The following DUOX1 variants were observed in gnomAD, a reference collection of about 807,000 sequenced individuals.
DUOX1 encodes the protein dual oxidase 1.
DUOX1 carries 134 observed loss-of-function variants against 181.8 expected under a neutral mutation model. The observed-to-expected ratio is 0.74, with a 90% confidence interval of 0.64 to 0.85. The LOEUF (loss-of-function observed/expected upper bound fraction) is 0.85, where lower values mean the gene tolerates loss of function less well. Among genes scored for constraint, DUOX1 ranks in the 40% least tolerant of loss-of-function variants. The pLI is 0.00. For synonymous variants in DUOX1, 798 were observed against 832.5 expected (o/e 0.96, Z 0.71); for missense variants, 1,814 against 2,064.4 (o/e 0.88, Z 2.35).
chr15:45,158,950 C>T (rs140255676), intron 28 of DUOX1, among the ~76,000 whole-genome samples: 1 of 152,288 alleles, frequency 6.6e-6, no homozygotes, highest in East Asian at 1.9e-4. Context: ...AAGGGAGTTT[C>T]ACTTGGGCTA....
Position 45,157,648 on chromosome 15 carries a change from G to A in DUOX1, c.3702+1719G>A, listed in dbSNP as rs183720434. ...AGCCTGGTCAACATGGCGAAACCTC[G>A]TCTCTACTAAAAATACAAAAATTAG... is the stretch of plus-strand genomic sequence containing the variant. On this transcript the variant is annotated intron_variant, in intron 28 of 33. Transcript: ENST00000389037. Among the ~76,000 whole-genome samples the A allele has an allele frequency of 8.6e-4, 130 of 152,018 alleles. 2 individuals carry two copies. Among genetic ancestry groups the A allele is most frequent in the African/African-American group, 2.7e-3 (112 of 41,462 alleles).
In DUOX1 at chr15:45,163,716, C is replaced by T. The variant is rs201127023; in HGVS notation, c.4404+29C>T. 402 of 1,613,846 alleles carry T rather than the reference C, an allele frequency of 2.5e-4. 1 individual carries two copies. The highest frequency in any genetic ancestry group is 1.8e-4 in the Non-Finnish European group (214 of 1,179,790). On this transcript the variant is annotated intron_variant, in intron 32 of 33. Coordinates refer to ENST00000389037, the MANE Select transcript of DUOX1 (RefSeq NM_175940.3). ...TGTCAGGGCCCACCAGGAGGGTATGCGGGCCACTGTCTGAGCTAGGAATTG... is the reference window on the plus strand; with the variant it reads ...TGTCAGGGCCCACCAGGAGGGTATGTGGGCCACTGTCTGAGCTAGGAATTG...
intron 28 of DUOX1, among the ~76,000 whole-genome samples, chr15:45,157,184 T>G (rs979250152): frequency 3.9e-5 from 6 of 152,228 alleles, no homozygotes; most frequent in African/African-American, 1.4e-4. Flanking sequence ...ATTTCACAGT[T>G]CTGAAGATGA....
intron 9 of DUOX1, 130 bp downstream of exon 9, chr15:45,136,755 G>A (rs983571609): frequency 3.7e-6 from 3 of 800,872 alleles, no homozygotes; most frequent in Non-Finnish European, 4.0e-6. Flanking sequence ...CCGATAGAGA[G>A]GGGAAGAAAA....
intron 28 of DUOX1, among the ~76,000 whole-genome samples, chr15:45,159,517 G>A (rs1385466243): frequency 2.6e-5 from 4 of 152,198 alleles, no homozygotes; most frequent in Non-Finnish European, 5.9e-5. Flanking sequence ...CAGTGGGAAG[G>A]TCCTAAGGAG....
chr15:45,148,553 C>G, intron 21 of DUOX1, 106 bp downstream of exon 21: 1 of 1,301,874 alleles, frequency 7.7e-7, no homozygotes, highest in Admixed American at 2.9e-5. Context: ...CCATTAAAAT[C>G]AGAAGAAAAA....
Position 45,152,458 on chromosome 15 carries a change from C to CT in DUOX1, c.3368dup (p.Asp1124ArgfsTer50), listed in dbSNP as rs1896841407. 6.2e-7 allele frequency: 1 copy of CT among 1,614,224 alleles called. No homozygotes were observed. Among genetic ancestry groups the CT allele is most frequent in the East Asian group, 2.2e-5 (1 of 44,878 alleles). On this transcript the variant is annotated frameshift_variant, in exon 25 of 34. Coordinates refer to ENST00000389037, the MANE Select transcript of DUOX1 (RefSeq NM_175940.3). LOFTEE classifies it high-confidence loss of function. Reference sequence around the variant, plus strand: ...AAACCTTCCTCAACCGCTACGTGCCCTTCGACGCCGCCGTGGACTTCCATC... The same window carrying CT: ...AAACCTTCCTCAACCGCTACGTGCCCTTTCGACGCCGCCGTGGACTTCCATC...
chr15:45,141,025 G>A lies in DUOX1; in HGVS notation c.1520G>A (p.Arg507Gln), dbSNP rs371808337. The change falls in exon 13 of 34, where the codon CGG becomes CAG. Residue 507 changes from arginine (R) to glutamine (Q), a missense_variant. Physicochemically the swap from Arg to Gln is conservative, Grantham distance 43. Coordinates refer to ENST00000389037, the MANE Select transcript of DUOX1 (RefSeq NM_175940.3). ...FSTIVLEQFV[R>Q]LRDGDRYWFE... Reference sequence around the variant, plus strand: ...ACCATCGTCCTTGAACAATTTGTGCGGCTACGGGATGGTGACCGCTACTGG... The same window carrying A: ...ACCATCGTCCTTGAACAATTTGTGCAGCTACGGGATGGTGACCGCTACTGG... The A allele has an allele frequency of 1.7e-5, 27 of 1,614,052 alleles. No homozygotes were observed. The highest frequency in any genetic ancestry group is 1.6e-4 in the Middle Eastern group (1 of 6,084).
chr15:45,154,087 TCAC>T, intron 27 of DUOX1, 87 bp downstream of exon 27: 3 of 1,240,562 alleles, frequency 2.4e-6, no homozygotes, highest in Non-Finnish European at 3.6e-6. Flanking sequence ...CAACCCACGT[TCAC>T]TCACTCAGCT....
rs756122319 is a variant in DUOX1 at position 45,143,194 on chromosome 15, C to T, written c.1827C>T (p.Ser609=). 6.2e-7 allele frequency: 1 copy of T among 1,613,774 alleles called. No homozygotes were observed. Among genetic ancestry groups the T allele is most frequent in the African/African-American group, 1.3e-5 (1 of 74,916 alleles). ...IGTLCCFPLV[S]LLSAWIVARL... ...CCTCTGCCTCTGCCCTCCCAGTGAG[C>T]CTGCTCAGTGCCTGGATTGTTGCCC... The change falls in exon 16 of 34, where the codon AGC becomes AGT. Residue 609 remains serine (S), a synonymous_variant. Coordinates refer to ENST00000389037, the MANE Select transcript of DUOX1 (RefSeq NM_175940.3).
chr15:45,152,275 C>G lies in DUOX1; in HGVS notation c.3194-11C>G. The G allele has an allele frequency of 6.2e-7, 1 of 1,611,018 alleles. No homozygotes were observed. The highest frequency in any genetic ancestry group is 1.1e-5 in the South Asian group (1 of 90,832). ...CTGACCCTCGCTTGCCTGCCTGGGC[C>G]CCCTCCACAGACTACGCCTTTGCCG... On this transcript the variant is annotated splice_polypyrimidine_tract_variant and intron_variant, in intron 24 of 33. Transcript: ENST00000389037.
Position 45,145,036 on chromosome 15 carries a change from C to T in DUOX1, c.2278C>T (p.Arg760Trp), listed in dbSNP as rs1279221401. Reference protein sequence around the residue: ...LMRAAVTREQRRHLLETFFRH... With the variant: ...LMRAAVTREQWRHLLETFFRH... ...GAGAGCAGCTGTGACACGGGAGCAG[C>T]GGAGGCACCTCCTGGAGACCTTTTT... is the stretch of plus-strand genomic sequence containing the variant. Residue 760 changes from arginine to tryptophan, a missense_variant, in exon 18 of 34, where the codon CGG becomes TGG. By Grantham distance (101) the Arg-to-Trp change is moderately radical. This residue lies in a region of DUOX1 where 1,064 missense variants were observed against 1,152.9 expected (regional missense o/e 0.92). Coordinates refer to ENST00000389037, the MANE Select transcript of DUOX1 (RefSeq NM_175940.3). 19 of 1,612,836 alleles carry T rather than the reference C, an allele frequency of 1.2e-5. No homozygotes were observed. The highest frequency in any genetic ancestry group is 3.3e-5 in the South Asian group (3 of 90,886).
At chr15:45,163,110 G>A (rs569463758) in intron 31 of DUOX1, among the ~76,000 whole-genome samples, 24 of 152,318 alleles carry the variant, frequency 1.6e-4, no homozygotes, top group Non-Finnish European at 2.4e-4. Context: ...GCTTCCACCC[G>A]CTGGTATCTC....
In DUOX1 at chr15:45,135,956, G is replaced by A. The variant is rs1336019311; in HGVS notation, c.864+8G>A. ...GTCATCGCCACCTACCAGGTCAGCCGTCCGCGCCCCGCGACGTCCTCCCTT... is the reference window on the plus strand; with the variant it reads ...GTCATCGCCACCTACCAGGTCAGCCATCCGCGCCCCGCGACGTCCTCCCTT... On this transcript the variant is annotated splice_region_variant and intron_variant, in intron 7 of 33. Coordinates refer to ENST00000389037, the MANE Select transcript of DUOX1 (RefSeq NM_175940.3). The A allele has an allele frequency of 7.3e-7, 1 of 1,361,088 alleles. No individual in the cohort carries two copies. Among genetic ancestry groups the A allele is most frequent in the East Asian group, 2.5e-5 (1 of 40,318 alleles). The allele number at this position is 1,361,088 out of a possible 1,614,324, so 84.3% of individuals were successfully genotyped here. A position where few individuals can be genotyped will look rare whatever the true frequency, so the allele number is the denominator to read the frequency against.
In DUOX1 at chr15:45,152,419, C is replaced by T; in HGVS notation, c.3327C>T (p.Ile1109=). The change falls in exon 25 of 34, where the codon ATC becomes ATT. Residue 1109 remains isoleucine, a synonymous_variant. Transcript: ENST00000389037. ...YILLTMCRNL[I]TFLRETFLNR... ...TGCTCACCATGTGCCGCAACCTCAT[C>T]ACCTTCCTGCGAGAAACCTTCCTCA... The T allele has an allele frequency of 1.9e-6, 3 of 1,614,242 alleles. No individual in the cohort carries two copies. Among genetic ancestry groups the T allele is most frequent in the Non-Finnish European group, 1.7e-6 (2 of 1,180,038 alleles).
Position 45,135,100 on chromosome 15 carries a change from G to A in DUOX1, c.308-4G>A, listed in dbSNP as rs542805766. On this transcript the variant is annotated splice_region_variant and splice_polypyrimidine_tract_variant and intron_variant, in intron 4 of 33. Coordinates refer to ENST00000389037, the MANE Select transcript of DUOX1 (RefSeq NM_175940.3). The stretch of plus-strand genomic sequence containing the variant: ...CCTAGCACCCCCTCCTGCACTGCCC[G>A]CAGGCTATCACGTGCTTTCAGACCT... 2.9e-4 allele frequency: 465 copies of A among 1,613,292 alleles called. 4 individuals are homozygous for A. The South Asian group carries it at 4.7e-3, about 16-fold the overall frequency.
rs1896216863 is a variant in DUOX1, at chr15:45,133,956, G to C, written c.142+9G>C. 6.2e-7 allele frequency: 1 copy of C among 1,613,624 alleles called. No homozygotes were observed. Among genetic ancestry groups the C allele is most frequent in the Non-Finnish European group, 8.5e-7 (1 of 1,179,804 alleles). ...CAGATGGGGCAGCAAAGGTAAGTGAGAGCCAAGTGGGGATAGAACCCCAGG... is the reference window on the plus strand; with the variant it reads ...CAGATGGGGCAGCAAAGGTAAGTGACAGCCAAGTGGGGATAGAACCCCAGG... On this transcript the variant is annotated intron_variant, in intron 3 of 33. Coordinates refer to ENST00000389037, the MANE Select transcript of DUOX1 (RefSeq NM_175940.3).
intron 28 of DUOX1, among the ~76,000 whole-genome samples, chr15:45,159,883 G>A (rs989458904): frequency 1.3e-4 from 20 of 152,168 alleles, no homozygotes; most frequent in African/African-American, 4.8e-4. Flanking sequence ...GGCCGCGCGC[G>A]GTGGCTCACA....
At chr15:45,152,547 C>G in intron 25 of DUOX1, 31 bp downstream of exon 25, 1 of 1,586,610 alleles carries the variant, frequency 6.3e-7, no homozygotes, top group South Asian at 1.1e-5. Flanking sequence ...GGAGGCTCTC[C>G]AGGGCCTCCC....
Sources: allele counts gnomAD v4.1 joint callset (sites outside exome capture counted in the v4.1 genomes callset), GRCh38; gene constraint gnomAD v4.1.1; regional missense constraint gnomAD v4.1.1; transcripts MANE v1.5; gene names NCBI Gene and HGNC (gene_info 2026-07-23, HGNC 2026-07-21).